The following CIROZ variants were observed in gnomAD, a reference collection of about 807,000 sequenced individuals.
CIROZ encodes ciliated left-right organizer ZP-N domains-containing protein.
At chr1:10,949,430 C>T in the CIROZ span, 4 of 712,970 alleles carry the variant, frequency 5.6e-6, no homozygotes, top group East Asian at 1.1e-4. Flanking sequence ...GGTGGGAGCT[C>T]TTGGGGGCCC....
chr1:10,957,654 C>A, the CIROZ span: 1 of 1,614,172 alleles, frequency 6.2e-7, no homozygotes, highest in Non-Finnish European at 8.5e-7. Flanking sequence ...GGGCTTTGGA[C>A]GGTGACAGTG....
chr1:10,953,986 C>T, the CIROZ span: 1 of 1,589,588 alleles, frequency 6.3e-7, no homozygotes, highest in Non-Finnish European at 8.5e-7. Flanking sequence ...GTGCCTGTTA[C>T]CAGCAGTCAC....
the CIROZ span, among the ~76,000 whole-genome samples, chr1:10,953,303 T>C: frequency 3.3e-5 from 5 of 152,232 alleles, no homozygotes; most frequent in Non-Finnish European, 5.9e-5. Flanking sequence ...AAGATGAAAG[T>C]GATCGACATC....
chr1:10,958,280 A>C, the CIROZ span, among the ~76,000 whole-genome samples: 1 of 152,196 alleles, frequency 6.6e-6, no homozygotes. Flanking sequence ...TGTGAAATGG[A>C]GAAGAGGGAC....
chr1:10,981,079 C>T, the CIROZ span, among the ~76,000 whole-genome samples: 1 of 152,248 alleles, frequency 6.6e-6, no homozygotes, highest in East Asian at 1.9e-4. Flanking sequence ...ACTTCCCACT[C>T]TCAGGAGCTT....
chr1:10,952,804 G>T, the CIROZ span, among the ~76,000 whole-genome samples: 3 of 152,190 alleles, frequency 2.0e-5, no homozygotes, highest in Non-Finnish European at 2.9e-5. Flanking sequence ...GAGCCACCGC[G>T]TCTGGCCTTT....
the CIROZ span, among the ~76,000 whole-genome samples, chr1:10,978,466 T>A: frequency 4.0e-5 from 6 of 149,018 alleles, no homozygotes; most frequent in Non-Finnish European, 7.4e-5. Context: ...CCCAACACTT[T>A]GGGAGACTGA....
chr1:10,954,069 T>G, the CIROZ span: 1 of 1,613,822 alleles, frequency 6.2e-7, no homozygotes, highest in South Asian at 1.1e-5. Context: ...GGCAGCCATC[T>G]CGGCAAATTC....
the CIROZ span, among the ~76,000 whole-genome samples, chr1:10,952,966 G>A: frequency 6.6e-6 from 1 of 152,126 alleles, no homozygotes; most frequent in Non-Finnish European, 1.5e-5. Context: ...TCTAGCCCTC[G>A]CTTTCCAAGA....
the CIROZ span, chr1:10,949,597 G>C: frequency 6.3e-7 from 1 of 1,582,648 alleles, no homozygotes; most frequent in Admixed American, 1.8e-5. Flanking sequence ...AGGAAACCAT[G>C]GGCAGAGGAT....
At chr1:10,964,110 AC>A in the CIROZ span, 8 of 1,609,804 alleles carry the variant, frequency 5.0e-6, no homozygotes, top group African/African-American at 1.3e-5. Context: ...CACCTCCCAG[AC>A]CCCCCGAACC....
chr1:10,981,121 T>G, the CIROZ span, among the ~76,000 whole-genome samples: 1 of 152,276 alleles, frequency 6.6e-6, no homozygotes, highest in Non-Finnish European at 1.5e-5. Flanking sequence ...GCATCTCAGA[T>G]GGGGAAAAGA....
the CIROZ span, among the ~76,000 whole-genome samples, chr1:10,960,179 G>A: frequency 1.3e-5 from 2 of 152,150 alleles, no homozygotes; most frequent in African/African-American, 2.4e-5. The surrounding 1 kb of genome is among the most constrained non-coding windows in gnomAD (Gnocchi z 4.6). Flanking sequence ...CCTGAGCTCA[G>A]GAGTTCCAGA....
the CIROZ span, chr1:10,957,088 T>A: frequency 6.5e-7 from 1 of 1,549,826 alleles, no homozygotes; most frequent in Non-Finnish European, 8.7e-7. Flanking sequence ...TGGCAGGAGC[T>A]CAGCAGAGGT....
the CIROZ span, among the ~76,000 whole-genome samples, chr1:10,970,543 C>A: frequency 1.3e-5 from 2 of 151,846 alleles, no homozygotes; most frequent in Non-Finnish European, 2.9e-5. Flanking sequence ...GCAGGAGAAT[C>A]GCTTGAACCT....
At chr1:10,949,544 C>T in the CIROZ span, 3 of 1,500,586 alleles carry the variant, frequency 2.0e-6, no homozygotes, top group African/African-American at 4.2e-5. Context: ...GGCCTCAGGC[C>T]CAGCTGGGTC....
chr1:10,948,742 G>C, the CIROZ span: 13,650 of 1,546,760 alleles, frequency 8.8e-3, 598 homozygotes, highest in African/African-American at 0.11. Context: ...CCTGGGGGAG[G>C]CTGGGGACCT....
chr1:10,977,557 A>G, the CIROZ span, among the ~76,000 whole-genome samples: 1 of 152,216 alleles, frequency 6.6e-6, no homozygotes, highest in Admixed American at 6.5e-5. Context: ...TGAGGGAACC[A>G]GGCAGAGGTT....
chr1:10,981,155 A>G, the CIROZ span, among the ~76,000 whole-genome samples: 1 of 152,224 alleles, frequency 6.6e-6, no homozygotes. Context: ...TTGCCAAGGA[A>G]AATGAGATTT....
Sources: gnomAD v4.1 joint callset for allele counts (sites outside exome capture counted in the v4.1 genomes callset) on GRCh38, gnomAD v4.1.1 for gene constraint, Gnocchi (gnomAD v3.1) non-coding constraint, MANE v1.5 for transcripts, NCBI Gene and HGNC (gene_info 2026-07-23, HGNC 2026-07-21) for gene names.